OVOL1: variants seen among roughly 807,000 people sequenced by gnomAD.
OVOL1 encodes the protein ovo like transcriptional repressor 1, also known as putative transcription factor Ovo-like 1.
OVOL1 carries 10 observed loss-of-function variants against 21.5 expected under a neutral mutation model. That is an observed-to-expected ratio of 0.46 (90% CI 0.29 to 0.79). The LOEUF is 0.79. Among genes scored for constraint, OVOL1 ranks in the 30% least tolerant of loss-of-function variants. The pLI, the probability that OVOL1 is intolerant of heterozygous loss-of-function variation, is 0.10. For synonymous variants in OVOL1, 129 were observed against 150.3 expected (o/e 0.86, Z 1.03); for missense variants, 279 against 362.3 (o/e 0.77, Z 1.87).
chr11:65,790,048 C>CA (rs1857981883), intron 1 of OVOL1: 1 of 147,708 alleles, frequency 6.8e-6, no homozygotes, highest in Non-Finnish European at 1.5e-5. Flanking sequence ...CCCACCCACC[C>CA]CCCCAACCAC....
At chr11:65,787,664 G>C (rs1310021121) in intron 1 of OVOL1, among the ~76,000 whole-genome samples, 191 bp downstream of exon 1, 1 of 151,738 alleles carries the variant, frequency 6.6e-6, no homozygotes, top group Non-Finnish European at 1.5e-5. Flanking sequence ...GGCGGGGCCG[G>C]CGGAAGAGCG....
At chr11:65,788,989 C>T in intron 1 of OVOL1, 4 of 985,502 alleles carry the variant, frequency 4.1e-6, no homozygotes, top group Non-Finnish European at 4.8e-6. Context: ...TCCACCCTCA[C>T]CTGTGTTTGA....
At chr11:65,792,662 A>C (rs1196980101) in intron 1 of OVOL1, among the ~76,000 whole-genome samples, 1 of 152,232 alleles carries the variant, frequency 6.6e-6, no homozygotes, top group Non-Finnish European at 1.5e-5. Flanking sequence ...GAGGTGGCTC[A>C]TTAAAGGCCC....
At position 65,794,127 on chromosome 11, in the gene OVOL1, G is replaced by A. The variant is rs144472992; in HGVS notation, c.197G>A (p.Arg66Gln). 15 of 1,613,796 alleles carry A rather than the reference G, an allele frequency of 9.3e-6. No individual in the cohort carries two copies. In the African/African-American group the frequency reaches 1.2e-4, roughly 13 times the overall value. Reference protein sequence around the residue: ...SCPLALNMSLRDSSYSMAPGP... With the variant: ...SCPLALNMSLQDSSYSMAPGP... The stretch of plus-strand genomic sequence containing the variant: ...CCGCTGGCTTTGAACATGAGCCTTC[G>A]AGACTCTAGCTACAGCATGGCCCCC... Residue 66 changes from arginine to glutamine, a missense_variant, in exon 2 of 4, where the codon CGA becomes CAA. Transcript: ENST00000335987.
chr11:65,788,016 G>A (rs1289717447), intron 1 of OVOL1, among the ~76,000 whole-genome samples: 2 of 152,178 alleles, frequency 1.3e-5, no homozygotes, highest in African/African-American at 4.8e-5. Flanking sequence ...CCGGTGGGGG[G>A]CGTGGGCCCC....
At chr11:65,793,301 C>G (rs186016639) in intron 1 of OVOL1, among the ~76,000 whole-genome samples, 1 of 152,192 alleles carries the variant, frequency 6.6e-6, no homozygotes. Context: ...TCGGTGCTGC[C>G]GCTGCTGAGG....
At chr11:65,791,416 G>A (rs1279474576) in intron 1 of OVOL1, among the ~76,000 whole-genome samples, 1 of 152,374 alleles carries the variant, frequency 6.6e-6, no homozygotes, top group East Asian at 1.9e-4. Context: ...CATGTGGTCA[G>A]TGGGGCCCAG....
intron 2 of OVOL1, 131 bp downstream of exon 2, chr11:65,794,379 A>C: frequency 9.2e-7 from 1 of 1,086,032 alleles, no homozygotes; most frequent in South Asian, 1.4e-5. Flanking sequence ...TCTGCAGAGG[A>C]GTGCCGATCT....
In OVOL1 at chr11:65,787,340, GA is replaced by G. The variant is rs775015211; in HGVS notation, c.-32del. ...GGGACGGCTCCCGGCTTCAGTTACGGAAGCGGCCCGTGTCCAGCGACGAGGG... is the reference window on the plus strand; with the variant it reads ...GGGACGGCTCCCGGCTTCAGTTACGGAGCGGCCCGTGTCCAGCGACGAGGG... On this transcript the variant is annotated 5_prime_UTR_variant, in exon 1 of 4. Coordinates refer to ENST00000335987, the MANE Select transcript of OVOL1 (RefSeq NM_004561.4). The G allele has an allele frequency of 6.5e-7, 1 of 1,533,772 alleles. No individual in the cohort carries two copies. The highest frequency in any genetic ancestry group is 1.2e-5 in the South Asian group (1 of 84,364).
At chr11:65,792,715 G>A (rs965469088) in intron 1 of OVOL1, among the ~76,000 whole-genome samples, 3 of 152,242 alleles carry the variant, frequency 2.0e-5, no homozygotes, top group South Asian at 4.1e-4. Flanking sequence ...GGTTCTGGGC[G>A]GCGGCGGGTG....
chr11:65,788,638 T>C (rs1209186830), intron 1 of OVOL1: 1 of 985,348 alleles, frequency 1.0e-6, no homozygotes, highest in Non-Finnish European at 1.2e-6. Context: ...TTGGAGACAG[T>C]GTCCTGGTGA....
intron 1 of OVOL1, chr11:65,793,693 G>T: frequency 2.5e-6 from 1 of 398,184 alleles, no homozygotes; most frequent in South Asian, 2.5e-5. Flanking sequence ...CCCTGCAGGA[G>T]AGTGGATGAG....
At chr11:65,789,784 C>A in intron 1 of OVOL1, 2 of 790,608 alleles carry the variant, frequency 2.5e-6, no homozygotes, top group Non-Finnish European at 3.1e-6. Context: ...CTGCCAGGTT[C>A]CTCTGAGACC....
Position 65,794,653 on chromosome 11 carries a change from G to T in OVOL1, c.434G>T (p.Arg145Met). 6.2e-7 allele frequency: 1 copy of T among 1,613,812 alleles called. No individual in the cohort carries two copies. The highest frequency in any genetic ancestry group is 8.5e-7 in the Non-Finnish European group (1 of 1,180,034). Reference protein sequence around the residue: ...RHMKCHNDVKRHLCTYCGKGF... With the variant: ...RHMKCHNDVKMHLCTYCGKGF... ...ATGAAGTGTCACAACGACGTCAAGA[G>T]GCACCTCTGCACGTACTGCGGGAAG... The change falls in exon 3 of 4, where the codon AGG (arginine) becomes ATG (methionine). Residue 145 changes from arginine (R) to methionine (M), a missense_variant. By Grantham distance (91) the Arg-to-Met change is moderately conservative. Coordinates refer to ENST00000335987, the MANE Select transcript of OVOL1 (RefSeq NM_004561.4).
intron 3 of OVOL1, 24 bp downstream of exon 3, chr11:65,794,751 A>C: frequency 1.2e-6 from 2 of 1,607,626 alleles, no homozygotes; most frequent in African/African-American, 2.7e-5. Flanking sequence ...CACGGCTGGG[A>C]GGAGCACGCC....
Position 65,794,095 on chromosome 11 carries a change from T to C in OVOL1, c.165T>C (p.Pro55=), listed in dbSNP as rs1471891004. ...CGGAACCCTCTGTGGCCGAACCCCC[T>C]TCCTGCCCGCTGGCTTTGAACATGA... ...REPEPSVAEP[P]SCPLALNMSL... Residue 55 remains proline (P), a synonymous_variant, in exon 2 of 4, where the codon CCT becomes CCC. Coordinates refer to ENST00000335987, the MANE Select transcript of OVOL1 (RefSeq NM_004561.4). The C allele has an allele frequency of 1.2e-6, 2 of 1,613,998 alleles. No homozygotes were observed. The highest frequency in any genetic ancestry group is 2.2e-5 in the South Asian group (2 of 91,090).
chr11:65,787,585 G>A, intron 1 of OVOL1, 112 bp downstream of exon 1: 1 of 370,870 alleles, frequency 2.7e-6, no homozygotes. Flanking sequence ...TGTGGGCGCC[G>A]GGGCTGAATG....
Position 65,795,118 on chromosome 11 carries a change from A to G in OVOL1, c.581A>G (p.Lys194Arg), listed in dbSNP as rs993676337. 1.2e-6 allele frequency: 2 copies of G among 1,613,860 alleles called. No individual in the cohort carries two copies. Among genetic ancestry groups the G allele is most frequent in the African/African-American group, 1.3e-5 (1 of 75,050 alleles). ...TQRCSLESHLKKIHGVQQKYA... is the reference protein window; with the variant it reads ...TQRCSLESHLRKIHGVQQKYA... ...CGCTGCTCTCTGGAGTCTCACCTCAAGAAGATCCATGGTGTGCAGCAGAAG... is the reference window on the plus strand; with the variant it reads ...CGCTGCTCTCTGGAGTCTCACCTCAGGAAGATCCATGGTGTGCAGCAGAAG... The change falls in exon 4 of 4, where the codon AAG becomes AGG. Residue 194 changes from lysine (K) to arginine (R), a missense_variant. Coordinates refer to ENST00000335987, the MANE Select transcript of OVOL1 (RefSeq NM_004561.4). The surrounding 1 kb of genome is among the most constrained non-coding windows in gnomAD (Gnocchi z 5.7).
At chr11:65,788,550 G>A in intron 1 of OVOL1, 2 of 985,442 alleles carry the variant, frequency 2.0e-6, no homozygotes, top group Non-Finnish European at 2.4e-6. Context: ...CCCAGGCCTT[G>A]TAGGAAAGTG....
Sources: allele counts gnomAD v4.1 joint callset (sites outside exome capture counted in the v4.1 genomes callset), GRCh38; gene constraint gnomAD v4.1.1; non-coding constraint Gnocchi (gnomAD v3.1); transcripts MANE v1.5; gene names NCBI Gene and HGNC (gene_info 2026-07-23, HGNC 2026-07-21).